SIPA1L1: variants seen among roughly 807,000 people sequenced by gnomAD.
The protein encoded by SIPA1L1 is signal-induced proliferation-associated 1-like protein 1.
In SIPA1L1, 26 loss-of-function variants were observed where a neutral mutation model predicts 162.7. The observed-to-expected ratio is 0.16, with a 90% CI of 0.12 to 0.22. The LOEUF (loss-of-function observed/expected upper bound fraction) is 0.22, where lower values mean the gene tolerates loss of function less well. Among genes scored for constraint, SIPA1L1 ranks in the 10% least tolerant of loss-of-function variants. SIPA1L1 has a pLI of 1.00. For missense variants in SIPA1L1, 1,874 were observed against 2,241.0 expected, an observed-to-expected ratio of 0.84 and a Z score of 3.31; for synonymous variants, 829 against 837.4, an observed-to-expected ratio of 0.99 and a Z score of 0.17.
chr14:71,534,850 A>G (rs2053754732), intron 4 of SIPA1L1, among the ~76,000 whole-genome samples: 2 of 152,222 alleles, frequency 1.3e-5, no homozygotes, highest in Non-Finnish European at 1.5e-5. Context: ...GATTTAGGCC[A>G]AGATCCTGCA....
chr14:71,636,599 C>T (rs2041173380), intron 7 of SIPA1L1, among the ~76,000 whole-genome samples: 1 of 152,234 alleles, frequency 6.6e-6, no homozygotes, highest in East Asian at 1.9e-4. Context: ...GACAAAACAT[C>T]TCAAACCAGT....
intron 2 of SIPA1L1, among the ~76,000 whole-genome samples, chr14:71,457,684 TC>T (rs1260759301): frequency 2.6e-5 from 4 of 152,010 alleles, no homozygotes; most frequent in African/African-American, 4.8e-5. Flanking sequence ...AACCTCCGCC[TC>T]CCAGGTTCAA....
intron 2 of SIPA1L1, among the ~76,000 whole-genome samples, chr14:71,429,735 G>A (rs907331788): frequency 5.3e-5 from 8 of 152,164 alleles, no homozygotes; most frequent in Non-Finnish European, 1.2e-4. Flanking sequence ...ATGTTTATAT[G>A]TGGAGAAATG....
intron 18 of SIPA1L1, among the ~76,000 whole-genome samples, chr14:71,724,420 T>G (rs1225529609): frequency 6.6e-6 from 1 of 152,262 alleles, no homozygotes. Flanking sequence ...TAATTTTGGC[T>G]TAGTAAAACT....
intron 2 of SIPA1L1, among the ~76,000 whole-genome samples, chr14:71,485,937 A>G (rs528626489): frequency 1.3e-5 from 2 of 152,190 alleles, no homozygotes; most frequent in Admixed American, 6.5e-5. Flanking sequence ...TACATTGCCT[A>G]TACACCCTCT....
At chr14:71,391,175 T>C (rs2040721049) in intron 2 of SIPA1L1, among the ~76,000 whole-genome samples, 2 of 150,880 alleles carry the variant, frequency 1.3e-5, no homozygotes, top group Non-Finnish European at 3.0e-5. Context: ...GGCCTGATCT[T>C]GGCTCACTGC....
Position 71,709,503 on chromosome 14 carries a change from C to T in SIPA1L1, c.4047C>T (p.Ile1349=), listed in dbSNP as rs1463622745. Residue 1349 remains isoleucine, a synonymous_variant, in exon 17 of 24, where the codon ATC becomes ATT. Transcript: ENST00000381232. ...TATGGCACAGCTCCAGTGAAGTAAT[C>T]TCCATGGCAGATCGGACTTTGGAGA... ...APLWHSSSEV[I]SMADRTLETE... is the part of the protein sequence containing the mutation. The T allele has an allele frequency of 6.2e-7, 1 of 1,614,234 alleles. No individual in the cohort carries two copies. Among genetic ancestry groups the T allele is most frequent in the South Asian group, 1.1e-5 (1 of 91,086 alleles).
At chr14:71,437,472 A>G (rs1416127917) in intron 2 of SIPA1L1, among the ~76,000 whole-genome samples, 1 of 152,078 alleles carries the variant, frequency 6.6e-6, no homozygotes, top group Admixed American at 6.6e-5. Context: ...GGTTCGAGGT[A>G]TTTCGGGGTG....
chr14:71,327,902 GTGTT>G (rs967378426), intron 2 of SIPA1L1, among the ~76,000 whole-genome samples: 2 of 152,174 alleles, frequency 1.3e-5, no homozygotes, highest in East Asian at 1.9e-4. Flanking sequence ...GCATGCTTGT[GTGTT>G]TGTTTGTGTA....
At chr14:71,364,848 C>T (rs2038135817) in intron 2 of SIPA1L1, among the ~76,000 whole-genome samples, 1 of 151,746 alleles carries the variant, frequency 6.6e-6, no homozygotes, top group South Asian at 2.1e-4. Context: ...TGGGCTCAAG[C>T]GATTCTCATG....
chr14:71,735,407 A>C lies in SIPA1L1; in HGVS notation c.5123+16A>C, dbSNP rs758294284. On this transcript the variant is annotated intron_variant, in intron 22 of 23. Transcript: ENST00000381232. ...CTTACAGCAGGTTGGTCCCAGTGCAAGGGCAGTACTCTGCACCTTGTGTCA... is the reference window on the plus strand; with the variant it reads ...CTTACAGCAGGTTGGTCCCAGTGCACGGGCAGTACTCTGCACCTTGTGTCA... 11 of 1,534,148 alleles carry C rather than the reference A, an allele frequency of 7.2e-6. No homozygotes were observed. The highest frequency in any genetic ancestry group is 3.4e-5 in the South Asian group (3 of 89,416).
intron 2 of SIPA1L1, among the ~76,000 whole-genome samples, chr14:71,364,749 T>G (rs1330236345): frequency 4.6e-4 from 28 of 60,228 alleles, no homozygotes; most frequent in Non-Finnish European, 7.2e-4. Context: ...AGAACATCAA[T>G]TTTTTTTTTT....
In SIPA1L1 at chr14:71,588,356, T is replaced by G; in HGVS notation, c.484T>G (p.Ser162Ala). The change falls in exon 5 of 24, where the codon TCC (serine) becomes GCC (alanine). Residue 162 changes from serine (S) to alanine (A), a missense_variant. Physicochemically the swap from Ser to Ala is moderately conservative, Grantham distance 99. Transcript: ENST00000381232. The surrounding 1 kb of genome is among the most constrained non-coding windows in gnomAD (Gnocchi z 4.3). ...RFLMPEAYPS[S>A]PRKALRRIRQ... ...TCTCATGCCTGAAGCCTACCCCAGC[T>G]CCCCCAGAAAAGCTCTTCGCAGAAT... The G allele has an allele frequency of 6.2e-7, 1 of 1,613,486 alleles. No individual in the cohort carries two copies. The highest frequency in any genetic ancestry group is 8.5e-7 in the Non-Finnish European group (1 of 1,179,916).
chr14:71,730,770 C>T (rs1020456521), intron 20 of SIPA1L1, among the ~76,000 whole-genome samples: 2 of 152,162 alleles, frequency 1.3e-5, no homozygotes, highest in African/African-American at 4.8e-5. Flanking sequence ...TTGATTTCTT[C>T]GTGCAGTGAG....
intron 23 of SIPA1L1, 32 bp downstream of exon 23, chr14:71,738,357 G>A: frequency 6.7e-7 from 1 of 1,486,522 alleles, no homozygotes; most frequent in Non-Finnish European, 9.4e-7. Context: ...AAATTGTCCA[G>A]TCTGTACAAA....
intron 7 of SIPA1L1, among the ~76,000 whole-genome samples, chr14:71,638,470 CATTTGATAAA>C (rs1372867432): frequency 2.6e-5 from 4 of 152,138 alleles, no homozygotes; most frequent in African/African-American, 9.7e-5. Context: ...GCAGAAAAAG[CATTTGATAAA>C]ATTTGAACTT....
In SIPA1L1 at chr14:71,377,199, GC is replaced by G. The variant is rs945431013; in HGVS notation, c.-465+56025del. Among the ~76,000 whole-genome samples, 1 of 149,166 alleles carries G rather than the reference GC, an allele frequency of 6.7e-6. No homozygotes were observed. Among genetic ancestry groups the G allele is most frequent in the African/African-American group, 2.5e-5 (1 of 40,488 alleles). ...GATGGGGCGGCGGCCGGGTGGGGGC[GC>G]CCCCCCACCTCCCAGATGGGGTGGC... is the stretch of plus-strand genomic sequence containing the variant. On this transcript the variant is annotated intron_variant, in intron 2 of 23. Coordinates refer to ENST00000381232, the MANE Select transcript of SIPA1L1 (RefSeq NM_001386936.1). This position sits in a 1 kb window ranked among gnomAD's most constrained non-coding sequence, Gnocchi z 4.8.
At chr14:71,465,088 G>A (rs2046894953) in intron 2 of SIPA1L1, among the ~76,000 whole-genome samples, 1 of 152,116 alleles carries the variant, frequency 6.6e-6, no homozygotes, top group South Asian at 2.1e-4. Flanking sequence ...ACTGGAGATG[G>A]GGAAGCTGTT....
chr14:71,693,372 G>T (rs796874028), intron 13 of SIPA1L1, among the ~76,000 whole-genome samples: 3 of 152,224 alleles, frequency 2.0e-5, no homozygotes, highest in African/African-American at 7.2e-5. Context: ...GGTGGCGGGT[G>T]CCTGTAATCC....
Sources: gnomAD v4.1 joint callset for allele counts (sites outside exome capture counted in the v4.1 genomes callset) on GRCh38, gnomAD v4.1.1 for gene constraint, Gnocchi (gnomAD v3.1) non-coding constraint, MANE v1.5 for transcripts, NCBI Gene and HGNC (gene_info 2026-07-23, HGNC 2026-07-21) for gene names.